LINGO2: variants seen among roughly 807,000 people sequenced by gnomAD.
The protein encoded by LINGO2 is leucine rich repeat and Ig domain containing 2.
LINGO2 carries 14 observed loss-of-function variants against 30.6 expected under a neutral mutation model. The ratio of observed to expected loss-of-function variants is 0.46; its 90% confidence interval spans 0.30 to 0.72. LINGO2 has a LOEUF of 0.72. Ranked by LOEUF, LINGO2 falls within the 30% of genes least tolerant of loss-of-function variation. The pLI is 0.07. For synonymous variants in LINGO2, 317 were observed against 288.5 expected (o/e 1.10, Z -1.00); for missense variants, 729 against 751.7 (o/e 0.97, Z 0.35).
the LINGO2 span, among the ~76,000 whole-genome samples, chr9:28,995,884 G>A: frequency 3.6e-5 from 3 of 82,310 alleles, no homozygotes; most frequent in Non-Finnish European, 8.9e-5. Flanking sequence ...GTAGGGGGAT[G>A]GGGGAGGGAT....
intron 1 of LINGO2, among the ~76,000 whole-genome samples, chr9:28,501,479 G>A (rs13288611): frequency 6.6e-6 from 1 of 151,994 alleles, no homozygotes; most frequent in Non-Finnish European, 1.5e-5. Context: ...GTGGGGAAAA[G>A]GGCAATCTAA....
At chr9:27,991,137 G>T (rs1821377911) in intron 5 of LINGO2, among the ~76,000 whole-genome samples, 1 of 151,990 alleles carries the variant, frequency 6.6e-6, no homozygotes, top group Non-Finnish European at 1.5e-5. Context: ...AAACCTTAAT[G>T]ATTATTCTAA....
At chr9:28,162,496 C>T (rs1307458772) in intron 4 of LINGO2, among the ~76,000 whole-genome samples, 1 of 152,066 alleles carries the variant, frequency 6.6e-6, no homozygotes, top group Non-Finnish European at 1.5e-5. Context: ...TATGGAAGCC[C>T]TCTCAGAATC....
chr9:28,502,694 T>G (rs1819939193), intron 1 of LINGO2, among the ~76,000 whole-genome samples: 1 of 152,078 alleles, frequency 6.6e-6, no homozygotes, highest in Non-Finnish European at 1.5e-5. Flanking sequence ...AATTTTAAAA[T>G]TAGAAATTAA....
the LINGO2 span, among the ~76,000 whole-genome samples, chr9:29,073,450 C>G: frequency 6.6e-6 from 1 of 152,044 alleles, no homozygotes; most frequent in Admixed American, 6.6e-5. Flanking sequence ...CAACCTGCCA[C>G]CTGTTTTCCA....
chr9:29,085,964 G>C, the LINGO2 span, among the ~76,000 whole-genome samples: 2 of 152,030 alleles, frequency 1.3e-5, no homozygotes, highest in African/African-American at 4.8e-5. Context: ...AAGTGCATTT[G>C]TGCCCGTTGG....
At chr9:28,059,753 A>C (rs181874823) in intron 4 of LINGO2, among the ~76,000 whole-genome samples, 62 of 152,264 alleles carry the variant, frequency 4.1e-4, no homozygotes, top group Non-Finnish European at 7.9e-4. Flanking sequence ...TTTAGCTTAA[A>C]TTCATTTTAT....
At chr9:28,867,305 C>T in the LINGO2 span, among the ~76,000 whole-genome samples, 1 of 151,998 alleles carries the variant, frequency 6.6e-6, no homozygotes, top group Non-Finnish European at 1.5e-5. Flanking sequence ...ACAGTAAATA[C>T]AATCCTCCTA....
chr9:28,059,940 G>A (rs145628414), intron 4 of LINGO2, among the ~76,000 whole-genome samples: 11 of 152,014 alleles, frequency 7.2e-5, no homozygotes, highest in African/African-American at 1.9e-4. Context: ...AAACACCTGG[G>A]TTCAAATCAT....
chr9:28,362,957 G>A (rs919237284), intron 3 of LINGO2, among the ~76,000 whole-genome samples: 1 of 152,168 alleles, frequency 6.6e-6, no homozygotes. Flanking sequence ...TAAGGGAACT[G>A]CTTATACATA....
chr9:28,567,801 A>T (rs988245222), intron 1 of LINGO2, among the ~76,000 whole-genome samples: 2 of 151,550 alleles, frequency 1.3e-5, no homozygotes, highest in African/African-American at 2.4e-5. Context: ...TCTAAAATAA[A>T]TAAATAAATA....
the LINGO2 span, among the ~76,000 whole-genome samples, chr9:28,843,972 A>G: frequency 6.6e-6 from 1 of 151,832 alleles, no homozygotes; most frequent in East Asian, 1.9e-4. Context: ...ATCTGAATCC[A>G]CTATGCATGC....
the LINGO2 span, among the ~76,000 whole-genome samples, chr9:29,015,044 C>T: frequency 6.6e-6 from 1 of 152,110 alleles, no homozygotes; most frequent in East Asian, 1.9e-4. Context: ...TTGGTAGTAT[C>T]ACCCACACTT....
the LINGO2 span, among the ~76,000 whole-genome samples, chr9:28,832,632 C>T: frequency 6.6e-6 from 1 of 152,226 alleles, no homozygotes; most frequent in Admixed American, 6.5e-5. Context: ...TATCATCATA[C>T]GGCTCATATT....
rs749881287 is a variant in LINGO2 at position 28,300,042 on chromosome 9, TA to T, written c.-245-4677del. Among the ~76,000 whole-genome samples, 4 of 148,898 alleles carry T rather than the reference TA, an allele frequency of 2.7e-5. No homozygotes were observed. The South Asian group carries it at 8.4e-4, about 31-fold the overall frequency. ...AAGATACCAAAGCCAACAAACAAAATAACAGGATTTTGAGATACACAGTTTT... is the reference window on the plus strand; with the variant it reads ...AAGATACCAAAGCCAACAAACAAAATACAGGATTTTGAGATACACAGTTTT... On this transcript the variant is annotated intron_variant, in intron 3 of 5. Transcript: ENST00000379992.
chr9:28,762,262 A>C, the LINGO2 span, among the ~76,000 whole-genome samples: 157 of 152,128 alleles, frequency 1.0e-3, 2 homozygotes, highest in African/African-American at 3.7e-3. Context: ...TTATAACTTT[A>C]GTGTCATGGA....
At chr9:28,587,604 G>T (rs923656978) in intron 1 of LINGO2, among the ~76,000 whole-genome samples, 13 of 151,784 alleles carry the variant, frequency 8.6e-5, no homozygotes, top group African/African-American at 3.1e-4. Flanking sequence ...AGAATCCTTT[G>T]GTCTCCTCCT....
chr9:28,435,947 T>C (rs1390994095), intron 2 of LINGO2, among the ~76,000 whole-genome samples: 2 of 152,210 alleles, frequency 1.3e-5, no homozygotes, highest in Non-Finnish European at 2.9e-5. Context: ...ATTGACAGGT[T>C]GGTTTAACAT....
chr9:28,890,975 T>C, the LINGO2 span, among the ~76,000 whole-genome samples: 1 of 152,026 alleles, frequency 6.6e-6, no homozygotes, highest in African/African-American at 2.4e-5. Context: ...TTCTAAAGGG[T>C]AGAGTAGGTG....
Sources: gnomAD v4.1 joint callset for allele counts (sites outside exome capture counted in the v4.1 genomes callset) on GRCh38, gnomAD v4.1.1 for gene constraint, MANE v1.5 for transcripts, NCBI Gene and HGNC (gene_info 2026-07-23, HGNC 2026-07-21) for gene names.